Variants in PTPRD observed in about 807,000 individuals in gnomAD.
The protein encoded by PTPRD is protein tyrosine phosphatase receptor type D.
PTPRD carries 34 observed loss-of-function variants against 214.5 expected under a neutral mutation model. The ratio of observed to expected loss-of-function variants is 0.16; its 90% CI spans 0.12 to 0.21. The LOEUF (loss-of-function observed/expected upper bound fraction) is 0.21, where lower values mean the gene tolerates loss of function less well. PTPRD is among the 10% of genes least tolerant of loss of function. The pLI is 1.00. For missense variants in PTPRD, 2,545 were observed against 2,398.7 expected (o/e 1.06, Z -1.27); for synonymous variants, 1,128 against 845.7 (o/e 1.33, Z -5.79).
intron 5 of PTPRD, among the ~76,000 whole-genome samples, chr9:9,796,427 T>C: frequency 6.6e-6 from 1 of 151,950 alleles, no homozygotes; most frequent in East Asian, 1.9e-4. Context: ...CGGGAGGAGG[T>C]TGAAATGATG....
chr9:9,322,925 A>G (rs1967288609), intron 9 of PTPRD, among the ~76,000 whole-genome samples: 1 of 152,156 alleles, frequency 6.6e-6, no homozygotes, highest in East Asian at 1.9e-4. Context: ...CATTTACTTG[A>G]GTTAAATGAT....
chr9:9,336,254 C>T (rs1337377243), intron 9 of PTPRD, among the ~76,000 whole-genome samples: 2 of 152,106 alleles, frequency 1.3e-5, no homozygotes, highest in Non-Finnish European at 2.9e-5. Flanking sequence ...CTGATGTTAT[C>T]TCTGGAAAGA....
intron 11 of PTPRD, among the ~76,000 whole-genome samples, chr9:8,744,981 AAAT>A (rs1226547992): frequency 2.6e-5 from 4 of 152,188 alleles, no homozygotes; most frequent in African/African-American, 9.7e-5. Flanking sequence ...TAAAGAGGAC[AAAT>A]ATTAACCATA....
At chr9:9,888,575 A>C (rs1291314430) in intron 5 of PTPRD, among the ~76,000 whole-genome samples, 1 of 152,092 alleles carries the variant, frequency 6.6e-6, no homozygotes, top group Non-Finnish European at 1.5e-5. Flanking sequence ...CAATTGTTAA[A>C]AATAGGCTGG....
chr9:8,710,448 T>C (rs2098308496), intron 12 of PTPRD, among the ~76,000 whole-genome samples: 1 of 152,016 alleles, frequency 6.6e-6, no homozygotes, highest in Admixed American at 6.6e-5. Flanking sequence ...AAACCCCGTC[T>C]CTACAAAAAA....
At chr9:10,143,303 A>AT (rs199572746) in intron 3 of PTPRD, among the ~76,000 whole-genome samples, 20,334 of 151,046 alleles carry the variant, frequency 0.13, 1,477 homozygotes, top group South Asian at 0.28. Context: ...ATAAAATAAA[A>AT]AAATAAATGC....
intron 2 of PTPRD, among the ~76,000 whole-genome samples, chr9:10,347,083 T>C (rs569553330): frequency 1.7e-4 from 26 of 152,212 alleles, no homozygotes; most frequent in African/African-American, 5.5e-4. Context: ...CCTCCCCTCC[T>C]AACTCCCTGA....
At chr9:10,132,325 A>G (rs777760893) in intron 3 of PTPRD, among the ~76,000 whole-genome samples, 2 of 152,164 alleles carry the variant, frequency 1.3e-5, no homozygotes, top group Non-Finnish European at 2.9e-5. Context: ...TTCTAAGGCA[A>G]ATAGATTCTC....
intron 2 of PTPRD, among the ~76,000 whole-genome samples, chr9:10,557,317 A>T (rs1383387078): frequency 6.6e-6 from 1 of 152,190 alleles, no homozygotes; most frequent in East Asian, 1.9e-4. Flanking sequence ...TGTCAACATA[A>T]CACAGTATTG....
intron 4 of PTPRD, among the ~76,000 whole-genome samples, chr9:9,965,656 T>C (rs925435255): frequency 6.6e-6 from 1 of 152,188 alleles, no homozygotes; most frequent in African/African-American, 2.4e-5. Flanking sequence ...CTAAGAATTA[T>C]CTGGAGCCAC....
At chr9:8,732,012 A>G (rs2098664797) in intron 12 of PTPRD, among the ~76,000 whole-genome samples, 1 of 152,238 alleles carries the variant, frequency 6.6e-6, no homozygotes, top group South Asian at 2.1e-4. Flanking sequence ...TAAATATCTT[A>G]ACTAAAAATT....
intron 10 of PTPRD, among the ~76,000 whole-genome samples, chr9:9,071,675 T>C (rs1390375308): frequency 6.6e-6 from 1 of 152,106 alleles, no homozygotes; most frequent in African/African-American, 2.4e-5. Flanking sequence ...AGAAAAATTT[T>C]CCCCAATCAA....
intron 3 of PTPRD, among the ~76,000 whole-genome samples, chr9:10,254,628 A>T (rs1003081306): frequency 6.6e-6 from 1 of 152,184 alleles, no homozygotes; most frequent in Non-Finnish European, 1.5e-5. Flanking sequence ...CAGTCCTCAC[A>T]TTACAAATAG....
chr9:10,473,356 C>T (rs973146658), intron 2 of PTPRD, among the ~76,000 whole-genome samples: 1 of 152,046 alleles, frequency 6.6e-6, no homozygotes, highest in Non-Finnish European at 1.5e-5. Flanking sequence ...GGAAAGCCAC[C>T]ATAGTTATGG....
At chr9:9,963,304 C>A (rs986135756) in intron 4 of PTPRD, among the ~76,000 whole-genome samples, 23 of 152,230 alleles carry the variant, frequency 1.5e-4, no homozygotes, top group African/African-American at 5.5e-4. Context: ...TAACATCTAA[C>A]ACTTTAAGTC....
chr9:9,266,617 A>C (rs1229776276), intron 9 of PTPRD, among the ~76,000 whole-genome samples: 1 of 151,440 alleles, frequency 6.6e-6, no homozygotes, highest in Admixed American at 6.6e-5. Context: ...TAAGTGGTAT[A>C]AATAAGTGGA....
At chr9:9,605,364 A>T (rs991411266) in intron 7 of PTPRD, among the ~76,000 whole-genome samples, 5 of 152,080 alleles carry the variant, frequency 3.3e-5, no homozygotes, top group African/African-American at 1.2e-4. Flanking sequence ...TGTCTATGTC[A>T]TTGGAAGCTA....
chr9:9,928,775 C>T (rs886896177), intron 5 of PTPRD, among the ~76,000 whole-genome samples: 2 of 151,822 alleles, frequency 1.3e-5, no homozygotes. Context: ...CACACACACA[C>T]ACACACACAC....
intron 8 of PTPRD, among the ~76,000 whole-genome samples, chr9:9,556,257 T>C (rs1193157222): frequency 1.3e-5 from 2 of 152,158 alleles, no homozygotes; most frequent in African/African-American, 4.8e-5. Context: ...TGGATCATCA[T>C]AAAGGTCTTC....
Sources: gnomAD v4.1 joint callset for allele counts (sites outside exome capture counted in the v4.1 genomes callset) on GRCh38, gnomAD v4.1.1 for gene constraint, MANE v1.5 for transcripts, NCBI Gene and HGNC (gene_info 2026-07-23, HGNC 2026-07-21) for gene names.